C1QTNF3: variants seen among roughly 807,000 people sequenced by gnomAD.
C1QTNF3 encodes C1q and TNF related 3.
A neutral mutation model predicts 32.6 loss-of-function variants in C1QTNF3; 26 were observed. The ratio of observed to expected loss-of-function variants is 0.80; its 90% CI spans 0.58 to 1.11. The LOEUF is 1.11. Among genes scored for constraint, C1QTNF3 ranks in the 50% least tolerant of loss-of-function variants. The probability of loss-of-function intolerance (pLI) is 0.00; values close to 1 mark genes in which losing one functional copy is unlikely to be tolerated. For synonymous variants in C1QTNF3, 155 were observed against 146.0 expected (o/e 1.06, Z -0.44); for missense variants, 362 against 398.2 (o/e 0.91, Z 0.77).
At chr5:34,069,651 C>T in the C1QTNF3 span, among the ~76,000 whole-genome samples, 6 of 152,052 alleles carry the variant, frequency 3.9e-5, no homozygotes, top group Admixed American at 1.3e-4. Flanking sequence ...GGATACATTA[C>T]GATGAGAACG....
At chr5:34,105,537 T>C in the C1QTNF3 span, among the ~76,000 whole-genome samples, 27 of 152,116 alleles carry the variant, frequency 1.8e-4, no homozygotes, top group African/African-American at 6.5e-4. Flanking sequence ...AAAGTAAATG[T>C]CTTATGAGAG....
the C1QTNF3 span, among the ~76,000 whole-genome samples, chr5:34,208,267 G>A: frequency 7.9e-5 from 12 of 152,080 alleles, no homozygotes; most frequent in African/African-American, 2.9e-4. Flanking sequence ...ACTTCTACTT[G>A]CCCCTGTTAT....
chr5:34,172,333 T>C, the C1QTNF3 span, among the ~76,000 whole-genome samples: 1 of 151,366 alleles, frequency 6.6e-6, no homozygotes, highest in Non-Finnish European at 1.5e-5. Context: ...TGTGGTCTCT[T>C]ACTCTCTCTC....
the C1QTNF3 span, among the ~76,000 whole-genome samples, chr5:34,232,661 C>T: frequency 6.6e-6 from 1 of 151,050 alleles, no homozygotes; most frequent in African/African-American, 2.4e-5. Flanking sequence ...CTTTGCCTTC[C>T]ACCATGATTT....
At chr5:34,202,824 G>A in the C1QTNF3 span, among the ~76,000 whole-genome samples, 2 of 151,628 alleles carry the variant, frequency 1.3e-5, no homozygotes, top group Non-Finnish European at 2.9e-5. Context: ...CCTGCAGCCT[G>A]ACAACCTTTT....
the C1QTNF3 span, among the ~76,000 whole-genome samples, chr5:34,118,869 T>C: frequency 4.1e-3 from 618 of 152,230 alleles, 2 homozygotes; most frequent in Middle Eastern, 0.024. Flanking sequence ...TATTGCTTCT[T>C]TTCCTTTCTT....
the C1QTNF3 span, among the ~76,000 whole-genome samples, chr5:34,056,471 T>TAC: frequency 2.4e-3 from 261 of 110,102 alleles, 5 homozygotes; most frequent in South Asian, 0.027. Flanking sequence ...TATATATATA[T>TAC]ATATATATAG....
At chr5:34,078,416 C>G in the C1QTNF3 span, among the ~76,000 whole-genome samples, 1 of 151,862 alleles carries the variant, frequency 6.6e-6, no homozygotes, top group African/African-American at 2.4e-5. This position sits in a 1 kb window ranked among gnomAD's most constrained non-coding sequence, Gnocchi z 4.0. Flanking sequence ...AGGAAACTTA[C>G]AATCATGGCG....
the C1QTNF3 span, among the ~76,000 whole-genome samples, chr5:34,059,244 A>T: frequency 2.0e-5 from 3 of 151,938 alleles, no homozygotes; most frequent in Admixed American, 1.3e-4. Flanking sequence ...GAGTCCCTAC[A>T]TGGTCGTCCA....
chr5:34,225,744 CTTAA>C, the C1QTNF3 span, among the ~76,000 whole-genome samples: 1 of 151,774 alleles, frequency 6.6e-6, no homozygotes, highest in Admixed American at 6.6e-5. Context: ...TCCACCTGAT[CTTAA>C]TTATTTACAT....
chr5:34,084,805 TTTTG>T, the C1QTNF3 span, among the ~76,000 whole-genome samples: 54,005 of 109,220 alleles, frequency 0.49, 15,453 homozygotes, highest in Non-Finnish European at 0.57. Flanking sequence ...TTTTTGTTTT[TTTTG>T]TTTTTTTTCT....
At chr5:34,219,943 C>T in the C1QTNF3 span, 1 of 152,076 alleles carries the variant, frequency 6.6e-6, no homozygotes, top group African/African-American at 2.4e-5. Flanking sequence ...CCTCATGGAG[C>T]TTCAGTTCTA....
the C1QTNF3 span, among the ~76,000 whole-genome samples, chr5:34,050,986 T>C: frequency 2.0e-5 from 3 of 152,198 alleles, no homozygotes; most frequent in Non-Finnish European, 4.4e-5. Context: ...ATGACTAGAT[T>C]CATCTTTTGG....
the C1QTNF3 span, among the ~76,000 whole-genome samples, chr5:34,074,945 T>C: frequency 6.6e-6 from 1 of 151,838 alleles, no homozygotes; most frequent in East Asian, 1.9e-4. Context: ...TTTGAAAGTG[T>C]ATATTTGGAT....
chr5:34,079,238 G>C, the C1QTNF3 span, among the ~76,000 whole-genome samples: 1 of 151,398 alleles, frequency 6.6e-6, no homozygotes, highest in African/African-American at 2.4e-5. Flanking sequence ...CTAAATCCTA[G>C]AAACTACAAG....
chr5:34,055,902 G>A, the C1QTNF3 span, among the ~76,000 whole-genome samples: 3 of 152,276 alleles, frequency 2.0e-5, no homozygotes, highest in South Asian at 2.1e-4. Context: ...GCTCAGCCTC[G>A]GGGAAATACG....
At chr5:34,088,678 G>T in the C1QTNF3 span, among the ~76,000 whole-genome samples, 4 of 151,852 alleles carry the variant, frequency 2.6e-5, no homozygotes, top group Admixed American at 6.6e-5. Context: ...TGCTTTTTTT[G>T]TTTGTTTGTT....
the C1QTNF3 span, among the ~76,000 whole-genome samples, chr5:34,154,718 C>T: frequency 7.9e-5 from 12 of 152,172 alleles, no homozygotes; most frequent in Admixed American, 5.9e-4. Context: ...TTTGTATCAT[C>T]TGGAAGTAGG....
At chr5:34,137,086 G>C in the C1QTNF3 span, among the ~76,000 whole-genome samples, 1 of 150,212 alleles carries the variant, frequency 6.7e-6, no homozygotes, top group African/African-American at 2.5e-5. Flanking sequence ...ACACGGCACA[G>C]GTATACCTAT....
Sources: allele counts gnomAD v4.1 joint callset (sites outside exome capture counted in the v4.1 genomes callset), GRCh38; gene constraint gnomAD v4.1.1; non-coding constraint Gnocchi (gnomAD v3.1); transcripts MANE v1.5; gene names NCBI Gene and HGNC (gene_info 2026-07-23, HGNC 2026-07-21).